The following MARCHF1 variants were observed in gnomAD, a reference collection of about 807,000 sequenced individuals.
The protein encoded by MARCHF1 is membrane associated ring-CH-type finger 1, also known as E3 ubiquitin-protein ligase MARCHF1.
A neutral mutation model predicts 54.2 loss-of-function variants in MARCHF1; 40 were observed. The ratio of observed to expected loss-of-function variants is 0.74; its 90% CI spans 0.57 to 0.96. MARCHF1 has a LOEUF of 0.96. Ranked by LOEUF, MARCHF1 falls within the 40% of genes least tolerant of loss-of-function variation. The pLI, the probability that MARCHF1 is intolerant of heterozygous loss-of-function variation, is 0.00. For missense variants in MARCHF1, 586 were observed against 656.5 expected (o/e 0.89, Z 1.17); for synonymous variants, 236 against 236.3 (o/e 1.00, Z 0.01).
chr4:164,366,962 G>A (rs1194340558), intron 1 of MARCHF1, among the ~76,000 whole-genome samples: 1 of 151,882 alleles, frequency 6.6e-6, no homozygotes, highest in East Asian at 1.9e-4. Context: ...CTGCAATATT[G>A]CAAATTTGTG....
chr4:163,789,019 G>A (rs1277753887), intron 4 of MARCHF1, among the ~76,000 whole-genome samples: 1 of 151,942 alleles, frequency 6.6e-6, no homozygotes, highest in Non-Finnish European at 1.5e-5. Context: ...TTATTACTGA[G>A]ATGTTCTAAT....
intron 2 of MARCHF1, among the ~76,000 whole-genome samples, chr4:164,089,640 A>G (rs1451340704): frequency 6.6e-6 from 1 of 151,586 alleles, no homozygotes; most frequent in Non-Finnish European, 1.5e-5. Flanking sequence ...TAAATCTACT[A>G]ATATTTCATT....
intron 4 of MARCHF1, among the ~76,000 whole-genome samples, chr4:163,852,752 C>A (rs1018177174): frequency 6.6e-6 from 1 of 152,100 alleles, no homozygotes; most frequent in African/African-American, 2.4e-5. Context: ...CTCTTAATAT[C>A]AACTCACTAA....
At chr4:164,200,261 C>A (rs747046276) in intron 1 of MARCHF1, among the ~76,000 whole-genome samples, 20 of 152,194 alleles carry the variant, frequency 1.3e-4, no homozygotes, top group Admixed American at 2.0e-4. Flanking sequence ...TGGCAAGATG[C>A]AAGATATCAT....
chr4:163,882,500 C>T (rs188458532), intron 3 of MARCHF1, among the ~76,000 whole-genome samples: 16 of 152,232 alleles, frequency 1.1e-4, no homozygotes, highest in South Asian at 4.1e-4. Context: ...ATAATTTACC[C>T]GATATTTAAG....
chr4:163,933,115 T>C (rs1286100232), intron 3 of MARCHF1: 2 of 1,117,010 alleles, frequency 1.8e-6, no homozygotes, highest in Non-Finnish European at 2.6e-6. Context: ...GATGAGGCCA[T>C]TGCAGAACTT....
intron 1 of MARCHF1, among the ~76,000 whole-genome samples, chr4:164,169,952 C>A: frequency 6.6e-6 from 1 of 152,052 alleles, no homozygotes; most frequent in East Asian, 1.9e-4. Context: ...CTTCATTTAA[C>A]AACAGTAACT....
chr4:164,249,090 T>C (rs1215452871), intron 1 of MARCHF1, among the ~76,000 whole-genome samples: 1 of 152,114 alleles, frequency 6.6e-6, no homozygotes, highest in Non-Finnish European at 1.5e-5. Context: ...CAAATAGTTA[T>C]AAAGTTCTAA....
chr4:164,344,969 T>G (rs1323145999), intron 1 of MARCHF1, among the ~76,000 whole-genome samples: 3 of 152,160 alleles, frequency 2.0e-5, no homozygotes, highest in Non-Finnish European at 4.4e-5. Context: ...AAATTGTAAT[T>G]AAATATTTCA....
At chr4:163,943,486 A>G (rs982657338) in intron 3 of MARCHF1, among the ~76,000 whole-genome samples, 8 of 152,056 alleles carry the variant, frequency 5.3e-5, no homozygotes, top group African/African-American at 1.9e-4. Flanking sequence ...TGAAGGTCAG[A>G]TGGATGTAAG....
At chr4:164,345,848 T>C (rs1260697427) in intron 1 of MARCHF1, among the ~76,000 whole-genome samples, 1 of 152,018 alleles carries the variant, frequency 6.6e-6, no homozygotes, top group African/African-American at 2.4e-5. Context: ...CACTCCTGAA[T>C]TCCATAACTT....
chr4:163,640,655 A>G (rs1395122951), intron 5 of MARCHF1, among the ~76,000 whole-genome samples: 1 of 152,180 alleles, frequency 6.6e-6, no homozygotes, highest in Non-Finnish European at 1.5e-5. Flanking sequence ...AACCAACTAC[A>G]GCATATTTAG....
chr4:163,610,445 G>T (rs1040772625), intron 7 of MARCHF1, among the ~76,000 whole-genome samples: 1 of 152,076 alleles, frequency 6.6e-6, no homozygotes, highest in Non-Finnish European at 1.5e-5. Context: ...TTTCTCCAGA[G>T]TAGGGTTTTT....
intron 2 of MARCHF1, among the ~76,000 whole-genome samples, chr4:164,076,907 C>T (rs1754993049): frequency 6.6e-6 from 1 of 152,136 alleles, no homozygotes; most frequent in Non-Finnish European, 1.5e-5. Context: ...AAAAACATTC[C>T]ATGCTCATGG....
At chr4:163,760,594 A>G (rs1194118230) in intron 4 of MARCHF1, among the ~76,000 whole-genome samples, 1 of 152,218 alleles carries the variant, frequency 6.6e-6, no homozygotes, top group Admixed American at 6.5e-5. Context: ...TAGTCATACA[A>G]CAAGAGTTTT....
intron 1 of MARCHF1, among the ~76,000 whole-genome samples, chr4:164,142,786 C>A (rs1228780935): frequency 6.6e-6 from 1 of 152,192 alleles, no homozygotes; most frequent in Non-Finnish European, 1.5e-5. Context: ...CAAAGGAACG[C>A]AGTTCCTCAC....
At chr4:163,760,705 T>G (rs1221193961) in intron 4 of MARCHF1, among the ~76,000 whole-genome samples, 4 of 152,192 alleles carry the variant, frequency 2.6e-5, no homozygotes, top group Admixed American at 6.5e-5. Flanking sequence ...TTCCATTTCT[T>G]TGCATGAAAA....
At chr4:163,751,490 T>C (rs1026607852) in intron 4 of MARCHF1, among the ~76,000 whole-genome samples, 6 of 152,084 alleles carry the variant, frequency 3.9e-5, no homozygotes, top group African/African-American at 9.7e-5. Context: ...AAAAAGATTA[T>C]GTAGGAAAAT....
At chr4:163,615,697 CA>C (rs1234614766) in intron 5 of MARCHF1, among the ~76,000 whole-genome samples, 1 of 151,936 alleles carries the variant, frequency 6.6e-6, no homozygotes, top group Non-Finnish European at 1.5e-5. Context: ...AAATATCAAG[CA>C]AATTATTTGA....
Sources: allele counts gnomAD v4.1 joint callset (sites outside exome capture counted in the v4.1 genomes callset), GRCh38; gene constraint gnomAD v4.1.1; transcripts MANE v1.5; gene names NCBI Gene and HGNC (gene_info 2026-07-23, HGNC 2026-07-21).